Variants in RASEF observed in about 807,000 individuals in gnomAD.
The protein encoded by RASEF is RAS and EF-hand domain containing, also known as ras and EF-hand domain-containing protein.
A neutral mutation model predicts 90.1 loss-of-function variants in RASEF; 68 were observed. The ratio of observed to expected loss-of-function variants is 0.75; its 90% confidence interval spans 0.62 to 0.92. The LOEUF is 0.92. RASEF is among the 40% of genes least tolerant of loss of function. The pLI is 0.00. For synonymous variants in RASEF, 331 were observed against 345.2 expected (o/e 0.96, Z 0.46); for missense variants, 949 against 937.2 (o/e 1.01, Z -0.16).
At chr9:83,189,804 C>A in the RASEF span, among the ~76,000 whole-genome samples, 4 of 152,162 alleles carry the variant, frequency 2.6e-5, no homozygotes, top group African/African-American at 7.2e-5. Flanking sequence ...TTTTCTACAG[C>A]CTGTCCCTTT....
the RASEF span, among the ~76,000 whole-genome samples, chr9:83,075,485 G>A: frequency 5.9e-5 from 9 of 152,194 alleles, no homozygotes; most frequent in East Asian, 1.7e-3. Context: ...AGAATGATAG[G>A]CATGTCAACA....
At chr9:83,033,199 A>G (rs1829676790) in intron 1 of RASEF, among the ~76,000 whole-genome samples, 1 of 152,166 alleles carries the variant, frequency 6.6e-6, no homozygotes, top group African/African-American at 2.4e-5. Context: ...TGATGCTAAG[A>G]TCCTAGCATC....
chr9:83,158,653 T>TATATACATATATGTATATAGTTATGTAC, the RASEF span, among the ~76,000 whole-genome samples: 1 of 9,800 alleles, frequency 1.0e-4, no homozygotes, highest in African/African-American at 4.8e-4. Context: ...TATGTCCAAA[T>TATATACATATATGTATATAGTTATGTAC]ATATACATAT....
the RASEF span, among the ~76,000 whole-genome samples, chr9:83,080,642 A>G: frequency 6.6e-6 from 1 of 152,226 alleles, no homozygotes; most frequent in African/African-American, 2.4e-5. Context: ...AATGTTAAAA[A>G]AATTATACAT....
chr9:83,030,833 A>G (rs1249170430), intron 1 of RASEF, among the ~76,000 whole-genome samples: 1 of 152,006 alleles, frequency 6.6e-6, no homozygotes, highest in East Asian at 1.9e-4. Context: ...TCTTCAGCAC[A>G]TTTTCTTTCT....
chr9:83,120,931 T>A, the RASEF span, among the ~76,000 whole-genome samples: 1 of 152,188 alleles, frequency 6.6e-6, no homozygotes, highest in Non-Finnish European at 1.5e-5. Flanking sequence ...TTTATGCACC[T>A]CTATAGGCCA....
intron 3 of RASEF, among the ~76,000 whole-genome samples, chr9:83,018,100 C>A (rs936849844): frequency 3.3e-5 from 5 of 152,156 alleles, no homozygotes; most frequent in African/African-American, 1.2e-4. Context: ...ACATCACATT[C>A]AATGTTCTCA....
the RASEF span, among the ~76,000 whole-genome samples, chr9:83,194,058 C>T: frequency 6.6e-6 from 1 of 152,160 alleles, no homozygotes; most frequent in Non-Finnish European, 1.5e-5. Context: ...ATACCCCTCC[C>T]TTTGTTTTTC....
At chr9:83,155,256 TTCTA>T in the RASEF span, among the ~76,000 whole-genome samples, 1 of 152,184 alleles carries the variant, frequency 6.6e-6, no homozygotes, top group Non-Finnish European at 1.5e-5. Flanking sequence ...GTGACCCTTC[TTCTA>T]TCTGTGTTTG....
chr9:83,140,142 T>G, the RASEF span, among the ~76,000 whole-genome samples: 1 of 152,176 alleles, frequency 6.6e-6, no homozygotes, highest in Admixed American at 6.5e-5. Flanking sequence ...AAGGGGACCT[T>G]CTTTTCTGAA....
chr9:83,154,554 T>C, the RASEF span, among the ~76,000 whole-genome samples: 1 of 152,146 alleles, frequency 6.6e-6, no homozygotes, highest in Non-Finnish European at 1.5e-5. Context: ...TGACCCTGTG[T>C]TCCCACTTCC....
the RASEF span, among the ~76,000 whole-genome samples, chr9:83,090,938 C>A: frequency 6.6e-6 from 1 of 151,956 alleles, no homozygotes; most frequent in African/African-American, 2.4e-5. Context: ...TTATCTCTCA[C>A]GTATGACCAC....
At chr9:83,180,608 G>C in the RASEF span, among the ~76,000 whole-genome samples, 1 of 151,842 alleles carries the variant, frequency 6.6e-6, no homozygotes, top group Non-Finnish European at 1.5e-5. Flanking sequence ...TTAAAGCTAA[G>C]AAAAGGAAAG....
At chr9:83,205,901 T>G in the RASEF span, among the ~76,000 whole-genome samples, 1 of 152,194 alleles carries the variant, frequency 6.6e-6, no homozygotes, top group African/African-American at 2.4e-5. Flanking sequence ...GGACCTCCTA[T>G]AGCTGGTCAT....
chr9:83,207,522 G>T, the RASEF span, among the ~76,000 whole-genome samples: 1 of 151,986 alleles, frequency 6.6e-6, no homozygotes, highest in African/African-American at 2.4e-5. Context: ...TCAGCAAGAG[G>T]GTGGCAACTT....
chr9:83,011,570 A>C (rs994794811), intron 5 of RASEF, among the ~76,000 whole-genome samples: 1 of 150,636 alleles, frequency 6.6e-6, no homozygotes, highest in Non-Finnish European at 1.5e-5. Context: ...AAAAAAAAAA[A>C]AAAAAACTGA....
At chr9:83,172,711 G>T in the RASEF span, among the ~76,000 whole-genome samples, 1 of 151,578 alleles carries the variant, frequency 6.6e-6, no homozygotes, top group Non-Finnish European at 1.5e-5. Flanking sequence ...TTTTTATATT[G>T]TCTATCTCTT....
At chr9:83,048,204 T>C (rs1829967182) in intron 1 of RASEF, 1 of 985,068 alleles carries the variant, frequency 1.0e-6, no homozygotes, top group African/African-American at 1.7e-5. Flanking sequence ...AGCTTGGAGG[T>C]CATCTGACAG....
the RASEF span, among the ~76,000 whole-genome samples, chr9:83,173,759 T>C: frequency 1.3e-5 from 2 of 151,920 alleles, no homozygotes; most frequent in African/African-American, 2.4e-5. Flanking sequence ...TTAGTCTGTT[T>C]GGTGATGTCA....
Sources: allele counts gnomAD v4.1 joint callset (sites outside exome capture counted in the v4.1 genomes callset), GRCh38; gene constraint gnomAD v4.1.1; transcripts MANE v1.5; gene names NCBI Gene and HGNC (gene_info 2026-07-23, HGNC 2026-07-21).